GBP7: variants seen among roughly 807,000 people sequenced by gnomAD.
The protein encoded by GBP7 is guanylate-binding protein 7.
In GBP7, 43 loss-of-function variants were observed where a neutral mutation model predicts 61.3. The observed-to-expected ratio is 0.70, with a 90% CI of 0.55 to 0.91. The LOEUF (loss-of-function observed/expected upper bound fraction) is 0.91. Ranked by LOEUF, GBP7 falls within the 40% of genes least tolerant of loss-of-function variation. GBP7 has a pLI of 0.00. For missense variants in GBP7, 717 were observed against 740.5 expected (o/e 0.97, Z 0.37); for synonymous variants, 267 against 271.0 (o/e 0.99, Z 0.14).
intron 2 of GBP7, among the ~76,000 whole-genome samples, chr1:89,167,164 A>T (rs1264821278): frequency 6.6e-6 from 1 of 152,034 alleles, no homozygotes; most frequent in African/African-American, 2.4e-5. Flanking sequence ...CTCATCTTGG[A>T]ATGATCATCA....
rs10922579 is a variant in GBP7 at position 89,146,776 on chromosome 1, G to A, written c.1365+791C>T. On this transcript the variant is annotated intron_variant, in intron 8 of 10. Coordinates refer to ENST00000294671, the MANE Select transcript of GBP7 (RefSeq NM_207398.3). ...CACACAGAATGATGATTATCAAAAA[G>A]TCAAAAGATAACAAGCGTTGGCAAG... Among the ~76,000 whole-genome samples the A allele has an allele frequency of 2.5e-3, 388 of 152,228 alleles. 4 individuals are homozygous for A. Among genetic ancestry groups the A allele is most frequent in the African/African-American group, 9.1e-3 (377 of 41,548 alleles).
intron 3 of GBP7, 67 bp downstream of exon 3, chr1:89,164,664 A>C (rs901176549): frequency 6.7e-7 from 1 of 1,482,562 alleles, no homozygotes; most frequent in African/African-American, 1.4e-5. Flanking sequence ...AGTTGGATTG[A>C]TACTATGCAT....
At position 89,149,371 on chromosome 1, in the gene GBP7, ACTGCATGCACGTC is replaced by A; in HGVS notation, c.1060_1072del (p.Asp354PhefsTer60). 6.2e-7 allele frequency: 1 copy of A among 1,614,094 alleles called. No individual in the cohort carries two copies. The highest frequency in any genetic ancestry group is 8.5e-7 in the Non-Finnish European group (1 of 1,179,990). On this transcript the variant is annotated frameshift_variant, in exon 7 of 11. Transcript: ENST00000294671. LOFTEE classifies it high-confidence loss of function. ...GACTGCAATGGCTTCCCTCTCACAA[ACTGCATGCACGTC>A]CAGCAGCTCCTGGAGTGTGTCTGTG...
intron 3 of GBP7, among the ~76,000 whole-genome samples, chr1:89,158,511 G>A: frequency 6.6e-6 from 1 of 152,180 alleles, no homozygotes; most frequent in Non-Finnish European, 1.5e-5. Context: ...CTTCAGCAAA[G>A]TCTCAGGATA....
chr1:89,155,781 C>T (rs535105772), intron 3 of GBP7, among the ~76,000 whole-genome samples: 9 of 152,330 alleles, frequency 5.9e-5, no homozygotes, highest in African/African-American at 2.2e-4. Context: ...GGAAAACACT[C>T]TTCAGGATAT....
chr1:89,142,378 C>T (rs1411210087), intron 8 of GBP7, among the ~76,000 whole-genome samples: 1 of 152,124 alleles, frequency 6.6e-6, no homozygotes, highest in Non-Finnish European at 1.5e-5. Context: ...TCCTGCATAG[C>T]CAGGACTACA....
chr1:89,132,101 T>C lies in GBP7; in HGVS notation c.*48A>G, dbSNP rs775548250. 4 of 1,484,182 alleles carry C rather than the reference T, an allele frequency of 2.7e-6. No individual in the cohort carries two copies. The highest frequency in any genetic ancestry group is 3.6e-6 in the Non-Finnish European group (4 of 1,099,456). The allele number at this position is 1,484,182 out of a possible 1,614,324, so 91.9% of individuals were successfully genotyped here. On this transcript the variant is annotated 3_prime_UTR_variant, in exon 11 of 11. Coordinates refer to ENST00000294671, the MANE Select transcript of GBP7 (RefSeq NM_207398.3). The stretch of plus-strand genomic sequence containing the variant: ...TTAAATGAAACTGCAATAACACATA[T>C]ACTTTTAAAATGAGCAACAGCGTTA...
At chr1:89,135,587 T>C (rs199546928) in intron 9 of GBP7, among the ~76,000 whole-genome samples, 2 of 151,906 alleles carry the variant, frequency 1.3e-5, no homozygotes. Flanking sequence ...GAATTTCATA[T>C]CCAGCCAAAC....
At chr1:89,168,085 T>C (rs2100660514) in intron 2 of GBP7, among the ~76,000 whole-genome samples, 1 of 152,306 alleles carries the variant, frequency 6.6e-6, no homozygotes, top group Middle Eastern at 3.4e-3. Flanking sequence ...AACTGCACTT[T>C]AAGAAGAGCA....
At position 89,133,332 on chromosome 1, in the gene GBP7, G is replaced by A. The variant is rs1407481265; in HGVS notation, c.1588C>T (p.Leu530Phe). ...CTTTCCCTCTCCATCTTCTTCTTGA[G>A]TTGAGCTATGTTTTCCTGGAAACTT... ...ERSFQENIAQLKKKMEREREN... is the reference protein window; with the variant it reads ...ERSFQENIAQFKKKMEREREN... The change falls in exon 10 of 11, where the codon CTC (leucine) becomes TTC (phenylalanine). Residue 530 changes from leucine (L) to phenylalanine (F), a missense_variant. Physicochemically the swap from Leu to Phe is conservative, Grantham distance 22 (BLOSUM62 0). Transcript: ENST00000294671. 21 of 1,613,750 alleles carry A rather than the reference G, an allele frequency of 1.3e-5. No homozygotes were observed. The highest frequency in any genetic ancestry group is 1.5e-5 in the Non-Finnish European group (18 of 1,179,940).
At chr1:89,140,499 TATC>T (rs1681914150) in intron 9 of GBP7, among the ~76,000 whole-genome samples, 1 of 145,684 alleles carries the variant, frequency 6.9e-6, no homozygotes, top group African/African-American at 2.5e-5. Flanking sequence ...GCACATGAGA[TATC>T]ATCTCATACC....
chr1:89,154,827 T>G (rs1409419439), intron 3 of GBP7, among the ~76,000 whole-genome samples: 1 of 151,112 alleles, frequency 6.6e-6, no homozygotes, highest in Non-Finnish European at 1.5e-5. Flanking sequence ...AAAACATTCC[T>G]GTCTGACAGC....
intron 1 of GBP7, among the ~76,000 whole-genome samples, chr1:89,172,584 A>G (rs1647634717): frequency 6.6e-6 from 1 of 152,112 alleles, no homozygotes; most frequent in Non-Finnish European, 1.5e-5. Flanking sequence ...TCTTGTATTA[A>G]GGGATTCATG....
chr1:89,162,131 A>G (rs576973202), intron 3 of GBP7, among the ~76,000 whole-genome samples: 12 of 148,108 alleles, frequency 8.1e-5, no homozygotes, highest in Non-Finnish European at 1.6e-4. Flanking sequence ...CCATTGGTCT[A>G]TGTGTCTGTT....
intron 2 of GBP7, among the ~76,000 whole-genome samples, chr1:89,169,862 T>C (rs1178246669): frequency 6.6e-6 from 1 of 152,190 alleles, no homozygotes; most frequent in Non-Finnish European, 1.5e-5. Context: ...GAGACTCTTA[T>C]CCTTCTTAAA....
chr1:89,164,850 G>T lies in GBP7; in HGVS notation c.199C>A (p.Leu67Met). The T allele has an allele frequency of 6.2e-7, 1 of 1,613,788 alleles. No homozygotes were observed. Among genetic ancestry groups the T allele is most frequent in the Non-Finnish European group, 8.5e-7 (1 of 1,179,798 alleles). Residue 67 changes from leucine to methionine, a missense_variant, in exon 3 of 11, where the codon CTG becomes ATG. By Grantham distance (15) the Leu-to-Met change is conservative. This residue lies in a region of GBP7 where 387 missense variants were observed against 385.2 expected (regional missense o/e 1.00). Transcript: ENST00000294671. ...GTTTCAGACTTCACTGTGCAGCCCAGAGGGAAGCCTTCAAGGGAAGAGGAG... is the reference window on the plus strand; with the variant it reads ...GTTTCAGACTTCACTGTGCAGCCCATAGGGAAGCCTTCAAGGGAAGAGGAG... ...KLAGKNKGFP[L>M]GCTVKSETKG...
intron 5 of GBP7, 98 bp from the exon 6 acceptor site, chr1:89,150,673 CTT>C: frequency 1.6e-6 from 2 of 1,227,526 alleles, no homozygotes; most frequent in South Asian, 2.8e-5. Context: ...ACTACAGTCT[CTT>C]GTGTCTGTGA....
rs1681687353 is a variant in GBP7 at position 89,131,977 on chromosome 1, C to G, written c.*172G>C. The G allele has an allele frequency of 2.1e-6, 1 of 469,886 alleles. No homozygotes were observed. The highest frequency in any genetic ancestry group is 2.0e-5 in the African/African-American group (1 of 50,026). 29.1% of individuals were successfully genotyped at this position (469,886 alleles called of 1,614,324 possible). On this transcript the variant is annotated 3_prime_UTR_variant, in exon 11 of 11. Coordinates refer to ENST00000294671, the MANE Select transcript of GBP7 (RefSeq NM_207398.3). ...TAATTTTATCTTCTAACTTGTTCCC[C>G]ATTTCTATTAATTATTACTTTAGTC...
intron 6 of GBP7, 98 bp from the exon 7 acceptor site, chr1:89,149,670 A>G: frequency 9.7e-7 from 1 of 1,032,832 alleles, no homozygotes; most frequent in East Asian, 2.6e-5. Context: ...AAAAAATTCC[A>G]TTTAACATGA....
Sources: gnomAD v4.1 joint callset for allele counts (sites outside exome capture counted in the v4.1 genomes callset) on GRCh38, gnomAD v4.1.1 for gene constraint, gnomAD v4.1.1 regional missense constraint, MANE v1.5 for transcripts, NCBI Gene and HGNC (gene_info 2026-07-23, HGNC 2026-07-21) for gene names.